Variants in NCALD observed in about 807,000 individuals in gnomAD.
The protein encoded by NCALD is neurocalcin delta, also known as neurocalcin-delta.
A neutral mutation model predicts 18.6 loss-of-function variants in NCALD; 10 were observed. The observed-to-expected ratio is 0.54, with a 90% CI of 0.33 to 0.91. The LOEUF is 0.91. NCALD is among the 40% of genes least tolerant of loss of function. The probability of loss-of-function intolerance (pLI) is 0.03; values close to 1 mark genes in which losing one functional copy is unlikely to be tolerated. For missense variants in NCALD, 184 were observed against 247.6 expected, an observed-to-expected ratio of 0.74 and a Z score of 1.72; for synonymous variants, 88 against 87.4, an observed-to-expected ratio of 1.01 and a Z score of -0.04.
At chr8:101,920,163 G>A (rs192292396) in intron 2 of NCALD, among the ~76,000 whole-genome samples, 129 of 152,198 alleles carry the variant, frequency 8.5e-4, no homozygotes, top group African/African-American at 3.0e-3. Flanking sequence ...AGGCTGAAGT[G>A]GGAAGATCAC....
chr8:101,778,108 A>C (rs908867515), intron 1 of NCALD, among the ~76,000 whole-genome samples: 3 of 152,188 alleles, frequency 2.0e-5, no homozygotes, highest in Non-Finnish European at 4.4e-5. Flanking sequence ...TTCATCCCTA[A>C]AAATAAAGCC....
intron 2 of NCALD, among the ~76,000 whole-genome samples, chr8:101,946,889 C>A (rs1232483440): frequency 1.3e-5 from 2 of 150,424 alleles, no homozygotes; most frequent in African/African-American, 2.4e-5. Flanking sequence ...CAAATAATAG[C>A]CAACACCATA....
At chr8:102,047,883 C>T (rs1425928758) in intron 1 of NCALD, among the ~76,000 whole-genome samples, 1 of 152,016 alleles carries the variant, frequency 6.6e-6, no homozygotes, top group African/African-American at 2.4e-5. Context: ...AATCTCTGTC[C>T]ACTTGAGGAT....
chr8:101,933,970 A>G (rs1303058791), intron 2 of NCALD, among the ~76,000 whole-genome samples: 1 of 152,188 alleles, frequency 6.6e-6, no homozygotes, highest in African/African-American at 2.4e-5. Flanking sequence ...GGGATTTGAT[A>G]TGCAAATGAC....
intron 1 of NCALD, among the ~76,000 whole-genome samples, chr8:102,036,142 TA>T (rs1586958822): frequency 3.3e-5 from 5 of 150,876 alleles, no homozygotes; most frequent in Non-Finnish European, 5.9e-5. Context: ...AATAAATAAA[TA>T]AATTAATTAA....
At chr8:101,789,260 T>C (rs547739619) in intron 1 of NCALD, among the ~76,000 whole-genome samples, 1 of 152,330 alleles carries the variant, frequency 6.6e-6, no homozygotes, top group South Asian at 2.1e-4. Flanking sequence ...TTATCATTTT[T>C]CTAGGGGTGT....
intron 1 of NCALD, among the ~76,000 whole-genome samples, chr8:102,123,016 A>C (rs1465745123): frequency 5.3e-5 from 8 of 152,118 alleles, no homozygotes; most frequent in Admixed American, 5.2e-4. Flanking sequence ...CCATCACACC[A>C]CACCCCCTCT....
intron 2 of NCALD, among the ~76,000 whole-genome samples, chr8:101,718,090 T>C (rs1816172182): frequency 6.6e-6 from 1 of 152,196 alleles, no homozygotes; most frequent in Non-Finnish European, 1.5e-5. Flanking sequence ...TCCTTTGCAG[T>C]CTTCTTAAGA....
chr8:101,690,624 C>G lies in NCALD; in HGVS notation c.485-1218G>C, dbSNP rs1427220273. 2.6e-5 allele frequency: 26 copies of G among 985,336 alleles called. No individual in the cohort carries two copies. The Admixed American group carries it at 1.6e-3, about 61-fold the overall frequency. 61.0% of individuals were successfully genotyped at this position (985,336 alleles called of 1,614,324 possible). A position where few individuals can be genotyped will look rare whatever the true frequency, so the allele number is the denominator to read the frequency against. On this transcript the variant is annotated intron_variant, in intron 3 of 3. Transcript: ENST00000220931. The stretch of plus-strand genomic sequence containing the variant: ...ATATCTTCTCCTCAGCCACAACTCC[C>G]TCCCCGCCAGAACCTAGTTCTTGTT...
chr8:101,919,181 C>G (rs960139586), intron 2 of NCALD, among the ~76,000 whole-genome samples: 4 of 152,070 alleles, frequency 2.6e-5, no homozygotes, highest in Non-Finnish European at 5.9e-5. Context: ...CAAAAACAGG[C>G]ACATAAACCA....
intron 1 of NCALD, among the ~76,000 whole-genome samples, chr8:102,069,316 T>C (rs1373131805): frequency 1.3e-5 from 2 of 152,230 alleles, no homozygotes; most frequent in South Asian, 2.1e-4. Flanking sequence ...TTATATCCCA[T>C]AAATATAAAT....
intron 1 of NCALD, among the ~76,000 whole-genome samples, chr8:102,080,995 C>CCATA (rs1399937383): frequency 2.6e-5 from 4 of 152,172 alleles, no homozygotes; most frequent in African/African-American, 4.8e-5. Context: ...GTGTCCAGCC[C>CCATA]ATCTGCATCA....
intron 1 of NCALD, among the ~76,000 whole-genome samples, chr8:102,028,442 T>G (rs934922628): frequency 2.4e-4 from 37 of 152,342 alleles, no homozygotes; most frequent in Non-Finnish European, 1.2e-4. Flanking sequence ...CCAAGTATAC[T>G]CCTTTGAAGC....
At chr8:102,032,340 T>C (rs181311426) in intron 1 of NCALD, among the ~76,000 whole-genome samples, 2 of 152,054 alleles carry the variant, frequency 1.3e-5, no homozygotes, top group African/African-American at 4.8e-5. Context: ...AACCAGATGA[T>C]GATAGCGAAA....
chr8:101,876,489 A>G (rs1254459215), intron 4 of NCALD, among the ~76,000 whole-genome samples: 1 of 152,220 alleles, frequency 6.6e-6, no homozygotes, highest in Non-Finnish European at 1.5e-5. Flanking sequence ...GAAGACTTAT[A>G]TAGACCATGA....
chr8:101,784,057 TAAC>T (rs1197389219), intron 1 of NCALD, among the ~76,000 whole-genome samples: 3 of 152,142 alleles, frequency 2.0e-5, no homozygotes, highest in African/African-American at 7.2e-5. Context: ...CTTAAAACAG[TAAC>T]AACTTTTATT....
At chr8:101,852,077 T>C (rs1319733123) in intron 4 of NCALD, among the ~76,000 whole-genome samples, 4 of 152,182 alleles carry the variant, frequency 2.6e-5, no homozygotes, top group African/African-American at 9.7e-5. Context: ...TCTGGCATCT[T>C]GAACTGAACT....
At chr8:101,690,752 C>T (rs2129933421) in intron 3 of NCALD, 1 of 985,424 alleles carries the variant, frequency 1.0e-6, no homozygotes, top group East Asian at 1.1e-4. Context: ...TGTGTGCTGG[C>T]CATTTTTTAT....
chr8:102,078,777 C>T (rs1226989274), intron 1 of NCALD, among the ~76,000 whole-genome samples: 1 of 152,200 alleles, frequency 6.6e-6, no homozygotes, highest in Non-Finnish European at 1.5e-5. Context: ...ATCCAATTAC[C>T]TTATTACCTT....
Sources: gnomAD v4.1 joint callset for allele counts (sites outside exome capture counted in the v4.1 genomes callset) on GRCh38, gnomAD v4.1.1 for gene constraint, MANE v1.5 for transcripts, NCBI Gene and HGNC (gene_info 2026-07-23, HGNC 2026-07-21) for gene names.